Variants in MTHFD2L observed in about 807,000 individuals in gnomAD.
MTHFD2L encodes bifunctional methylenetetrahydrofolate dehydrogenase/cyclohydrolase 2, mitochondrial.
MTHFD2L carries 29 observed loss-of-function variants against 34.9 expected under a neutral mutation model. The ratio of observed to expected loss-of-function variants is 0.83; its 90% CI spans 0.62 to 1.13. The LOEUF is 1.13. MTHFD2L is among the 50% of genes most tolerant of loss of function. The probability of loss-of-function intolerance (pLI) is 0.00; values close to 1 mark genes in which losing one functional copy is unlikely to be tolerated. For missense variants in MTHFD2L, 481 were observed against 446.5 expected, an observed-to-expected ratio of 1.08 and a Z score of -0.70; for synonymous variants, 167 against 155.7, an observed-to-expected ratio of 1.07 and a Z score of -0.54.
chr4:74,127,325 A>T (rs79585953), intron 1 of MTHFD2L, among the ~76,000 whole-genome samples: 2,682 of 152,282 alleles, frequency 0.018, 76 homozygotes, highest in African/African-American at 0.061. Context: ...ACCCTACTGA[A>T]CTATGGAACA....
At chr4:74,278,689 T>A (rs1248671585) in intron 6 of MTHFD2L, among the ~76,000 whole-genome samples, 1 of 152,102 alleles carries the variant, frequency 6.6e-6, no homozygotes, top group Non-Finnish European at 1.5e-5. Context: ...TTCAGTAGGC[T>A]AGCTTGAGCT....
chr4:74,158,384 C>T lies in MTHFD2L; in HGVS notation c.143+103C>T, dbSNP rs928937655. 2.6e-5 allele frequency: 23 copies of T among 891,328 alleles called. No homozygotes were observed. In the African/African-American group the frequency reaches 4.2e-4, roughly 16 times the overall value. The allele number at this position is 891,328 out of a possible 1,614,324, so 55.2% of individuals were successfully genotyped here. A position where few individuals can be genotyped will look rare whatever the true frequency, so the allele number is the denominator to read the frequency against. ...GTGGGGCCCAAGGCTCGTGGGCGGC[C>T]GCGCGGCGGCGGGCTGGGTCGAGGA... On this transcript the variant is annotated intron_variant, in intron 1 of 7. Transcript: ENST00000325278.
At chr4:74,175,195 GAAC>G in intron 2 of MTHFD2L, 83 bp from the exon 3 acceptor site, 1 of 1,412,116 alleles carries the variant, frequency 7.1e-7, no homozygotes, top group Non-Finnish European at 9.6e-7. Context: ...ACGGCAGTAG[GAAC>G]AGTCCCACAC....
chr4:74,239,464 G>C (rs1741372129), intron 6 of MTHFD2L, among the ~76,000 whole-genome samples: 1 of 149,410 alleles, frequency 6.7e-6, no homozygotes, highest in African/African-American at 2.5e-5. Flanking sequence ...TTGTGCACAT[G>C]TACCCTAGAA....
chr4:74,181,891 T>C (rs1387451688), intron 3 of MTHFD2L: 1 of 152,116 alleles, frequency 6.6e-6, no homozygotes, highest in African/African-American at 2.4e-5. Flanking sequence ...CTAGTAAGCA[T>C]GGAGATATGT....
At chr4:74,162,248 A>G (rs183607126) in intron 1 of MTHFD2L, 3 of 152,216 alleles carry the variant, frequency 2.0e-5, no homozygotes, top group Admixed American at 6.5e-5. Context: ...AATTGGCTCT[A>G]ACTTACCTAA....
rs1054415289 is a variant in MTHFD2L at position 74,143,413 on chromosome 4, C to T, written c.-296-16642C>T. On this transcript the variant is annotated intron_variant, in intron 1 of 7. Coordinates refer to the MTHFD2L transcript ENST00000433372. ...TCTAGGCTGGTGCAGCATGGAAACACGGATTTGAGCTCATTACTCCAATTT... is the reference window on the plus strand; with the variant it reads ...TCTAGGCTGGTGCAGCATGGAAACATGGATTTGAGCTCATTACTCCAATTT... 24 of 985,170 alleles carry T rather than the reference C, an allele frequency of 2.4e-5. No individual in the cohort carries two copies. In the African/African-American group the frequency reaches 3.5e-4, roughly 14 times the overall value. 61.0% of individuals were successfully genotyped at this position (985,170 alleles called of 1,614,324 possible).
upstream of MTHFD2L, among the ~76,000 whole-genome samples, chr4:74,118,848 G>A (rs1279929963): frequency 2.0e-5 from 3 of 152,218 alleles, no homozygotes; most frequent in Non-Finnish European, 4.4e-5. Context: ...TGTCGGATCA[G>A]TGGTGGCATT....
At chr4:74,144,763 C>T (rs953272388) in intron 1 of MTHFD2L, among the ~76,000 whole-genome samples, 3 of 152,226 alleles carry the variant, frequency 2.0e-5, no homozygotes, top group Non-Finnish European at 4.4e-5. Context: ...CTGTACATTT[C>T]ATTTTTTATA....
intron 5 of MTHFD2L, among the ~76,000 whole-genome samples, chr4:74,223,111 C>T (rs571330322): frequency 1.2e-4 from 19 of 152,010 alleles, no homozygotes; most frequent in Non-Finnish European, 2.2e-4. Flanking sequence ...ATAAATTGTT[C>T]TATCATAGAC....
chr4:74,266,117 G>A (rs1405644644), intron 6 of MTHFD2L, among the ~76,000 whole-genome samples: 3 of 152,232 alleles, frequency 2.0e-5, no homozygotes, highest in African/African-American at 7.2e-5. Context: ...AAACTTTATT[G>A]ACTTTTTCAT....
upstream of MTHFD2L, among the ~76,000 whole-genome samples, chr4:74,124,584 C>A (rs780917036): frequency 5.3e-5 from 8 of 151,896 alleles, no homozygotes; most frequent in Non-Finnish European, 1.0e-4. Context: ...TAAAACTAGT[C>A]TTTCTATTTG....
At chr4:74,148,196 C>T (rs1046714170) in intron 1 of MTHFD2L, among the ~76,000 whole-genome samples, 1 of 151,916 alleles carries the variant, frequency 6.6e-6, no homozygotes, top group African/African-American at 2.4e-5. Flanking sequence ...TATTTTTAAG[C>T]TCTTTGGTCT....
intron 1 of MTHFD2L, among the ~76,000 whole-genome samples, chr4:74,148,323 T>C (rs113405355): frequency 0.02 from 2,408 of 120,426 alleles, 39 homozygotes; most frequent in Non-Finnish European, 0.032. Context: ...GGTCCCCCCC[T>C]TTTTTATTGC....
chr4:74,215,038 GC>G (rs1349984265), intron 5 of MTHFD2L, among the ~76,000 whole-genome samples: 2 of 151,642 alleles, frequency 1.3e-5, no homozygotes, highest in Non-Finnish European at 2.9e-5. Flanking sequence ...ATGGTGGACT[GC>G]CCCCCTGCCA....
At chr4:74,244,262 T>C (rs1578593797) in intron 6 of MTHFD2L, among the ~76,000 whole-genome samples, 1 of 152,206 alleles carries the variant, frequency 6.6e-6, no homozygotes, top group African/African-American at 2.4e-5. Flanking sequence ...ATCAGAAAGA[T>C]AGATGAGTGG....
In MTHFD2L at chr4:74,158,136, G is replaced by T; in HGVS notation, c.-3G>T. On this transcript the variant is annotated 5_prime_UTR_variant, in exon 1 of 8. Coordinates refer to ENST00000325278, the MANE Select transcript of MTHFD2L (RefSeq NM_001144978.3). ...CCAGTCCGGAAGCCGGGGATCCGCG[G>T]CCATGACGGTGCCGGTCCGCGGCTT... 1.3e-6 allele frequency: 2 copies of T among 1,531,074 alleles called. No individual in the cohort carries two copies. The highest frequency in any genetic ancestry group is 1.8e-6 in the Non-Finnish European group (2 of 1,141,554). The allele number at this position is 1,531,074 out of a possible 1,614,324, so 94.8% of individuals were successfully genotyped here. A position where few individuals can be genotyped will look rare whatever the true frequency, so the allele number is the denominator to read the frequency against.
chr4:74,302,002 A>G lies in MTHFD2L; in HGVS notation c.*193A>G, dbSNP rs1750382426. Reference sequence around the variant, plus strand: ...CTAATTTATTTTGAGTTTTAAGAAAACAACCAAAACAATTCCAATGAAAAT... The same window carrying G: ...CTAATTTATTTTGAGTTTTAAGAAAGCAACCAAAACAATTCCAATGAAAAT... On this transcript the variant is annotated 3_prime_UTR_variant, in exon 8 of 8. Coordinates refer to ENST00000325278, the MANE Select transcript of MTHFD2L (RefSeq NM_001144978.3). 2 of 405,586 alleles carry G rather than the reference A, an allele frequency of 4.9e-6. No individual in the cohort carries two copies. Among genetic ancestry groups the G allele is most frequent in the Non-Finnish European group, 8.8e-6 (2 of 226,722 alleles). 25.1% of individuals were successfully genotyped at this position (405,586 alleles called of 1,614,324 possible).
At chr4:74,125,132 A>G (rs1400022970), upstream of MTHFD2L, among the ~76,000 whole-genome samples, 1 of 152,202 alleles carries the variant, frequency 6.6e-6, no homozygotes, top group Non-Finnish European at 1.5e-5. Flanking sequence ...GAGAAGCACA[A>G]GAAAGTTTCG....
Sources: gnomAD v4.1 joint callset for allele counts (sites outside exome capture counted in the v4.1 genomes callset) on GRCh38, gnomAD v4.1.1 for gene constraint, MANE v1.5 for transcripts, NCBI Gene and HGNC (gene_info 2026-07-23, HGNC 2026-07-21) for gene names.